Variants in EXD2 observed in about 807,000 individuals in gnomAD.
EXD2 encodes exonuclease 3'-5' domain-containing protein 2.
A neutral mutation model predicts 62.5 loss-of-function variants in EXD2; 40 were observed. That is an observed-to-expected ratio of 0.64 (90% CI 0.50 to 0.83). The LOEUF (loss-of-function observed/expected upper bound fraction) is 0.83, where lower values mean the gene tolerates loss of function less well. EXD2 is among the 40% of genes least tolerant of loss of function. The probability of loss-of-function intolerance (pLI) is 0.00; values close to 1 mark genes in which losing one functional copy is unlikely to be tolerated. For synonymous variants in EXD2, 239 were observed against 291.9 expected (o/e 0.82, Z 1.85); for missense variants, 671 against 761.8 (o/e 0.88, Z 1.40).
Position 69,237,600 on chromosome 14 carries a change from C to A in EXD2, c.1318C>A (p.Arg440=). The change falls in exon 9 of 10, where the codon CGG becomes AGG. Residue 440 remains arginine (R), a synonymous_variant. Coordinates refer to ENST00000685843, the MANE Select transcript of EXD2 (RefSeq NM_001193360.2). The part of the protein sequence containing the change: ...IRKNVIPHEY[R]KHFPIEMKDH... ...GAAGAACGTGATTCCACATGAGTACCGGAAGCACTTCCCCATCGAGATGAA... is the reference window on the plus strand; with the variant it reads ...GAAGAACGTGATTCCACATGAGTACAGGAAGCACTTCCCCATCGAGATGAA... 1.2e-6 allele frequency: 2 copies of A among 1,614,196 alleles called. No individual in the cohort carries two copies. The highest frequency in any genetic ancestry group is 1.7e-6 in the Non-Finnish European group (2 of 1,180,020).
chr14:69,224,460 A>G (rs1028748636), intron 3 of EXD2, among the ~76,000 whole-genome samples: 1 of 152,100 alleles, frequency 6.6e-6, no homozygotes, highest in African/African-American at 2.4e-5. Context: ...TCAACATGAG[A>G]TTTGGGTGGG....
chr14:69,199,442 A>T (rs2042314832), intron 1 of EXD2, among the ~76,000 whole-genome samples: 1 of 152,238 alleles, frequency 6.6e-6, no homozygotes, highest in Non-Finnish European at 1.5e-5. Flanking sequence ...TTTTTTTGGA[A>T]TAATAAGTTA....
At chr14:69,194,142 C>CT (rs10716345) in intron 1 of EXD2, among the ~76,000 whole-genome samples, 84 of 136,370 alleles carry the variant, frequency 6.2e-4, no homozygotes, top group Admixed American at 4.5e-4. Flanking sequence ...TCAGTCCATT[C>CT]TTTTTTTTTT....
chr14:69,218,670 T>C (rs1209100436), intron 3 of EXD2, among the ~76,000 whole-genome samples: 1 of 152,214 alleles, frequency 6.6e-6, no homozygotes, highest in Admixed American at 6.5e-5. Flanking sequence ...TAATCCATCT[T>C]GAATTAATTT....
chr14:69,201,179 T>C (rs1226211936), intron 1 of EXD2, among the ~76,000 whole-genome samples: 1 of 151,924 alleles, frequency 6.6e-6, no homozygotes, highest in Non-Finnish European at 1.5e-5. Flanking sequence ...ACATCTTACG[T>C]TGGTTTTTTT....
intron 5 of EXD2, among the ~76,000 whole-genome samples, chr14:69,231,005 G>A (rs2043556195): frequency 6.6e-6 from 1 of 152,112 alleles, no homozygotes; most frequent in African/African-American, 2.4e-5. Flanking sequence ...GGCTGGTCTC[G>A]AACTTCTGAC....
At chr14:69,221,658 C>T (rs561725760) in intron 3 of EXD2, among the ~76,000 whole-genome samples, 40 of 151,964 alleles carry the variant, frequency 2.6e-4, no homozygotes, top group African/African-American at 8.9e-4. Flanking sequence ...GTCCCAGATA[C>T]TCAGGAGGCT....
Position 69,206,468 on chromosome 14 carries a change from T to TCG in EXD2, c.-48+2468_-48+2469insCG, listed in dbSNP as rs1566819640. Reference sequence around the variant, plus strand: ...CCCACCCACCCACTTTTTTTTTTTTTTTTTTTTTTTTTTTTTTTGAGATAG... The same window carrying TCG: ...CCCACCCACCCACTTTTTTTTTTTTTCGTTTTTTTTTTTTTTTTTTGAGATAG... On this transcript the variant is annotated intron_variant, in intron 2 of 9. Transcript: ENST00000685843. Among the ~76,000 whole-genome samples the TCG allele has an allele frequency of 3.7e-3, 450 of 122,914 alleles. 8 individuals are homozygous for TCG. The highest frequency in any genetic ancestry group is 0.014 in the African/African-American group (361 of 26,688). The allele number at this position is 122,914 out of a possible 152,430, so 80.6% of individuals were successfully genotyped here.
At chr14:69,217,149 C>A (rs1330113227) in intron 3 of EXD2, among the ~76,000 whole-genome samples, 1 of 152,148 alleles carries the variant, frequency 6.6e-6, no homozygotes, top group Non-Finnish European at 1.5e-5. Flanking sequence ...AGGTCCTAGG[C>A]TCAATCAGTC....
rs538061806 is a variant in EXD2 at position 69,241,942 on chromosome 14, T to C, written c.*842T>C. 2.5e-6 allele frequency: 1 copy of C among 398,896 alleles called. No individual in the cohort carries two copies. The highest frequency in any genetic ancestry group is 4.4e-5 in the Admixed American group (1 of 22,740). The allele number at this position is 398,896 out of a possible 1,614,324, so 24.7% of individuals were successfully genotyped here. A position where few individuals can be genotyped will look rare whatever the true frequency, so the allele number is the denominator to read the frequency against. ...TCACCCCTTTCTGAGAGTAATGTTA[T>C]CTTTTATCAGAATCAGTATCAGTTC... On this transcript the variant is annotated 3_prime_UTR_variant, in exon 10 of 10. Coordinates refer to ENST00000685843, the MANE Select transcript of EXD2 (RefSeq NM_001193360.2).
At chr14:69,240,747 C>T (rs2043953830) in intron 9 of EXD2, 137 bp from the exon 10 acceptor site, 7 of 663,572 alleles carry the variant, frequency 1.1e-5, no homozygotes, top group South Asian at 3.8e-5. Flanking sequence ...GAGGATGTTT[C>T]GAAAACACCA....
chr14:69,209,956 A>T (rs564921902), intron 3 of EXD2, among the ~76,000 whole-genome samples, 153 bp downstream of exon 3: 4 of 152,356 alleles, frequency 2.6e-5, no homozygotes, highest in Non-Finnish European at 1.5e-5. Flanking sequence ...CAGAAGAAGA[A>T]GCTGCTGTTC....
At chr14:69,197,913 A>C (rs10132533) in intron 1 of EXD2, among the ~76,000 whole-genome samples, 41 of 152,208 alleles carry the variant, frequency 2.7e-4, no homozygotes, top group Admixed American at 1.6e-3. Context: ...TATTGAAAGG[A>C]TTAAATGAAT....
chr14:69,196,237 A>G (rs1256948467), intron 1 of EXD2: 9 of 152,158 alleles, frequency 5.9e-5, no homozygotes, highest in Admixed American at 5.9e-4. Context: ...TTAAGGGCGC[A>G]CCCTACTTCA....
Position 69,234,973 on chromosome 14 carries a change from C to G in EXD2, c.991C>G (p.Gln331Glu). The change falls in exon 6 of 10, where the codon CAA (glutamine) becomes GAA (glutamate). Residue 331 changes from glutamine to glutamate, a missense_variant. Gln to Glu is a conservative substitution (Grantham distance 29). Transcript: ENST00000685843. Reference sequence around the variant, plus strand: ...GGATGGGATGGTGCCAGGCAACCACCAAGGGAGAGACCCCAGAAAACATAA... The same window carrying G: ...GGATGGGATGGTGCCAGGCAACCACGAAGGGAGAGACCCCAGAAAACATAA... ...KMDGMVPGNH[Q>E]GRDPRKHKRK... The G allele has an allele frequency of 1.2e-6, 2 of 1,612,608 alleles. No individual in the cohort carries two copies. Among genetic ancestry groups the G allele is most frequent in the Non-Finnish European group, 1.7e-6 (2 of 1,179,422 alleles).
intron 3 of EXD2, among the ~76,000 whole-genome samples, chr14:69,210,382 G>C (rs2042766998): frequency 6.6e-6 from 1 of 152,190 alleles, no homozygotes; most frequent in South Asian, 2.1e-4. Flanking sequence ...TGTTTTGCTT[G>C]CATCATCTAA....
rs1391852864 is a variant in EXD2 at position 69,237,799 on chromosome 14, C to T, written c.1517C>T (p.Ala506Val). ...DPERRQVRSGARALLNAESLP... is the reference protein window; with the variant it reads ...DPERRQVRSGVRALLNAESLP... ...GAGCGCCGGCAGGTGCGTTCTGGGG[C>T]CAGGGCCCTGCTCAACGCGGAGAGC... is the stretch of plus-strand genomic sequence containing the variant. Residue 506 changes from alanine to valine, a missense_variant, in exon 9 of 10, where the codon GCC becomes GTC. By Grantham distance (64) the Ala-to-Val change is moderately conservative. Coordinates refer to ENST00000685843, the MANE Select transcript of EXD2 (RefSeq NM_001193360.2). 2 of 1,613,832 alleles carry T rather than the reference C, an allele frequency of 1.2e-6. No homozygotes were observed. The highest frequency in any genetic ancestry group is 8.5e-7 in the Non-Finnish European group (1 of 1,179,898).
chr14:69,215,294 ATATATGTGTGTGTGTGTGTGTGTG>A (rs1328979885), intron 3 of EXD2, among the ~76,000 whole-genome samples: 1 of 137,192 alleles, frequency 7.3e-6, no homozygotes, highest in Non-Finnish European at 1.5e-5. Context: ...CATCTCAAAA[ATATATGTGTGTGTGTGTGTGTGTG>A]TGTGTGTGTG....
intron 3 of EXD2, among the ~76,000 whole-genome samples, chr14:69,228,236 G>C (rs956307762): frequency 9.4e-5 from 13 of 138,590 alleles, no homozygotes; most frequent in Admixed American, 7.0e-4. Flanking sequence ...TTGTCGTTCA[G>C]GCTGGAGTGC....
Sources: allele counts gnomAD v4.1 joint callset (sites outside exome capture counted in the v4.1 genomes callset), GRCh38; gene constraint gnomAD v4.1.1; transcripts MANE v1.5; gene names NCBI Gene and HGNC (gene_info 2026-07-23, HGNC 2026-07-21).